Variants in LRCH1 observed in about 807,000 individuals in gnomAD.
The protein encoded by LRCH1 is leucine rich repeats and calponin homology domain containing 1.
LRCH1 carries 23 observed loss-of-function variants against 94.9 expected under a neutral mutation model. The ratio of observed to expected loss-of-function variants is 0.24; its 90% CI spans 0.17 to 0.34. LRCH1 has a LOEUF of 0.34. Ranked by LOEUF, LRCH1 falls within the 10% of genes least tolerant of loss-of-function variation. LRCH1 has a pLI of 1.00. For missense variants in LRCH1, 790 were observed against 945.9 expected (o/e 0.84, Z 2.16); for synonymous variants, 364 against 354.9 (o/e 1.03, Z -0.29).
chr13:46,555,070 C>T (rs2050049070), intron 1 of LRCH1, among the ~76,000 whole-genome samples: 1 of 152,176 alleles, frequency 6.6e-6, no homozygotes, highest in African/African-American at 2.4e-5. Context: ...GCAAAGATGG[C>T]TCTCCAGGGT....
intron 1 of LRCH1, among the ~76,000 whole-genome samples, chr13:46,587,813 A>G (rs1251906076): frequency 1.3e-5 from 2 of 152,202 alleles, no homozygotes; most frequent in Non-Finnish European, 2.9e-5. Flanking sequence ...AGCATGGGTT[A>G]GAGGAGCTGT....
chr13:46,695,209 C>T (rs560999344), intron 9 of LRCH1, among the ~76,000 whole-genome samples, 192 bp downstream of exon 9: 28 of 152,282 alleles, frequency 1.8e-4, no homozygotes, highest in African/African-American at 5.8e-4. Flanking sequence ...GCCCTGTGTG[C>T]CTCTCCATTT....
chr13:46,720,622 G>C (rs924030959), intron 16 of LRCH1, among the ~76,000 whole-genome samples: 1 of 151,968 alleles, frequency 6.6e-6, no homozygotes, highest in African/African-American at 2.4e-5. Flanking sequence ...TTAGTGATAT[G>C]AAATTAAGGA....
intron 3 of LRCH1, among the ~76,000 whole-genome samples, chr13:46,670,348 G>T (rs2051581404): frequency 6.6e-6 from 1 of 152,176 alleles, no homozygotes; most frequent in African/African-American, 2.4e-5. Context: ...ACTAGGACAA[G>T]ACACTGGAAT....
chr13:46,673,965 A>G (rs1171848398), intron 3 of LRCH1, among the ~76,000 whole-genome samples: 1 of 152,120 alleles, frequency 6.6e-6, no homozygotes, highest in Non-Finnish European at 1.5e-5. Context: ...TATTTTTAGT[A>G]GAGATGGGGT....
intron 1 of LRCH1, among the ~76,000 whole-genome samples, chr13:46,562,493 T>C (rs192054815): frequency 6.6e-6 from 1 of 152,296 alleles, no homozygotes; most frequent in Admixed American, 6.5e-5. Context: ...CCTCTTCTTA[T>C]AAGGGTATCA....
At position 46,742,279 on chromosome 13, in the gene LRCH1, G is replaced by A; in HGVS notation, c.*431G>A. 1 of 1,047,886 alleles carries A rather than the reference G, an allele frequency of 9.5e-7. No individual in the cohort carries two copies. The highest frequency in any genetic ancestry group is 1.2e-6 in the Non-Finnish European group (1 of 868,138). 64.9% of individuals were successfully genotyped at this position (1,047,886 alleles called of 1,614,324 possible). A position where few individuals can be genotyped will look rare whatever the true frequency, so the allele number is the denominator to read the frequency against. On this transcript the variant is annotated 3_prime_UTR_variant, in exon 20 of 20. Transcript: ENST00000389797. ...AACTAGAATTCTAATTCGGGACTGG[G>A]CAATTGAGCTGTATAGGGGCCACCT...
chr13:46,725,134 T>C (rs1439347296), intron 17 of LRCH1, among the ~76,000 whole-genome samples: 2 of 152,102 alleles, frequency 1.3e-5, no homozygotes, highest in Non-Finnish European at 2.9e-5. Flanking sequence ...TTCTCACTTA[T>C]AAGGGAAAGT....
At chr13:46,592,253 G>C (rs1049486089) in intron 1 of LRCH1, among the ~76,000 whole-genome samples, 5 of 152,110 alleles carry the variant, frequency 3.3e-5, no homozygotes, top group African/African-American at 1.2e-4. Flanking sequence ...GTCAGAGTCA[G>C]CCACAGCTTA....
chr13:46,720,082 C>G (rs1265295653), intron 16 of LRCH1, among the ~76,000 whole-genome samples: 3 of 151,180 alleles, frequency 2.0e-5, no homozygotes, highest in Non-Finnish European at 1.5e-5. Flanking sequence ...ATTTTTTTTC[C>G]TTCATCTTAA....
chr13:46,679,737 TG>T, intron 3 of LRCH1: 1 of 152,282 alleles, frequency 6.6e-6, no homozygotes, highest in East Asian at 1.9e-4. Context: ...ATCAGACAGC[TG>T]TACAGAGAAG....
At chr13:46,629,305 T>G (rs2138041184) in intron 1 of LRCH1, among the ~76,000 whole-genome samples, 1 of 113,728 alleles carries the variant, frequency 8.8e-6, no homozygotes, top group South Asian at 3.2e-4. Flanking sequence ...AGCCCATTTC[T>G]GTTTTTTATT....
intron 1 of LRCH1, among the ~76,000 whole-genome samples, chr13:46,587,942 A>G (rs1453424115): frequency 1.6e-4 from 24 of 152,192 alleles, no homozygotes. Flanking sequence ...TTGTGGTACC[A>G]TAGAGTATGT....
chr13:46,723,660 C>G (rs1393339616), intron 17 of LRCH1, among the ~76,000 whole-genome samples: 2 of 152,036 alleles, frequency 1.3e-5, no homozygotes, highest in East Asian at 3.9e-4. Flanking sequence ...ATTAGCTGGG[C>G]GTGGTGGCGT....
intron 1 of LRCH1, among the ~76,000 whole-genome samples, chr13:46,591,733 A>T (rs2137963196): frequency 6.6e-6 from 1 of 152,376 alleles, no homozygotes; most frequent in Non-Finnish European, 1.5e-5. Context: ...CTGTTGACAG[A>T]CAAGCATATT....
In LRCH1 at chr13:46,695,030, G is replaced by A. The variant is rs182358484; in HGVS notation, c.1245+13G>A. 7 of 1,611,376 alleles carry A rather than the reference G, an allele frequency of 4.3e-6. No homozygotes were observed. In the East Asian group the frequency reaches 1.6e-4, roughly 36 times the overall value. ...TATGAACTATAAGGCAAGATTTTCA[G>A]GATCAACTACGTTTTTTTACTTATT... On this transcript the variant is annotated intron_variant, in intron 9 of 19. Transcript: ENST00000389797.
At chr13:46,708,967 G>C (rs1871918376) in intron 13 of LRCH1, among the ~76,000 whole-genome samples, 1 of 152,254 alleles carries the variant, frequency 6.6e-6, no homozygotes, top group African/African-American at 2.4e-5. Flanking sequence ...GGGAAGAAGA[G>C]AGGGAGAGAG....
At chr13:46,733,647 T>C (rs1873222857) in intron 18 of LRCH1, among the ~76,000 whole-genome samples, 1 of 152,110 alleles carries the variant, frequency 6.6e-6, no homozygotes, top group African/African-American at 2.4e-5. Flanking sequence ...TATACAAACA[T>C]CTATATATAT....
intron 1 of LRCH1, among the ~76,000 whole-genome samples, chr13:46,586,560 G>A (rs1566159371): frequency 6.6e-6 from 1 of 152,022 alleles, no homozygotes; most frequent in African/African-American, 2.4e-5. Flanking sequence ...GGGACTATAG[G>A]CACACGCCAC....
Sources: gnomAD v4.1 joint callset for allele counts (sites outside exome capture counted in the v4.1 genomes callset) on GRCh38, gnomAD v4.1.1 for gene constraint, MANE v1.5 for transcripts, NCBI Gene and HGNC (gene_info 2026-07-23, HGNC 2026-07-21) for gene names.